Variants in ASXL1 observed in about 807,000 individuals in gnomAD.
ASXL1 encodes the protein polycomb group protein ASXL1.
A neutral mutation model predicts 89.1 loss-of-function variants in ASXL1; 65 were observed. That is an observed-to-expected ratio of 0.73 (90% CI 0.60 to 0.90). The LOEUF is 0.90. Among genes scored for constraint, ASXL1 ranks in the 40% least tolerant of loss-of-function variants. The pLI, the probability that ASXL1 is intolerant of heterozygous loss-of-function variation, is 0.00. For missense variants in ASXL1, 1,786 were observed against 1,942.9 expected (o/e 0.92, Z 1.52); for synonymous variants, 739 against 746.9 (o/e 0.99, Z 0.17).
intron 1 of ASXL1, among the ~76,000 whole-genome samples, chr20:32,362,394 T>G (rs2048129093): frequency 6.6e-6 from 1 of 152,178 alleles, no homozygotes; most frequent in Non-Finnish European, 1.5e-5. Context: ...CCCAGCACTT[T>G]GGGAGGCCGA....
rs1373416922 is a variant in ASXL1, at chr20:32,437,221, G to A, written c.4509G>A (p.Ser1503=). Residue 1503 remains serine, a synonymous_variant, in exon 13 of 13, where the codon TCG becomes TCA. Coordinates refer to ENST00000375687, the MANE Select transcript of ASXL1 (RefSeq NM_015338.6). The part of the protein sequence containing the change: ...FTDSSTVESI[S]LQCACSLKAM... ...ACAGCAGCACGGTGGAAAGCATCTC[G>A]CTCCAGTGTGCGTGCAGCCTGAAAG... 2.5e-6 allele frequency: 4 copies of A among 1,613,614 alleles called. No homozygotes were observed. The highest frequency in any genetic ancestry group is 2.2e-5 in the East Asian group (1 of 44,874).
intron 4 of ASXL1, among the ~76,000 whole-genome samples, chr20:32,398,599 G>GTTTGTTTTTTTT (rs1446807204): frequency 2.4e-5 from 2 of 82,826 alleles, no homozygotes; most frequent in African/African-American, 7.4e-5. Flanking sequence ...TGTTTTTTTT[G>GTTTGTTTTTTTT]TTTGTTTTTT....
At chr20:32,385,707 G>A (rs146047604) in intron 4 of ASXL1, among the ~76,000 whole-genome samples, 77 of 151,990 alleles carry the variant, frequency 5.1e-4, no homozygotes, top group Middle Eastern at 6.8e-3. Context: ...GCTTCTGCCT[G>A]GTCTACTTAC....
chr20:32,407,577 C>T (rs753848183), intron 4 of ASXL1, among the ~76,000 whole-genome samples: 2 of 152,164 alleles, frequency 1.3e-5, no homozygotes, highest in Non-Finnish European at 2.9e-5. Context: ...GATCCTCCCA[C>T]CTCAGTCTCT....
Position 32,437,096 on chromosome 20 carries a change from A to G in ASXL1, c.4384A>G (p.Thr1462Ala). Residue 1462 changes from threonine to alanine, a missense_variant, in exon 13 of 13, where the codon ACC (threonine) becomes GCC (alanine). Thr to Ala is a moderately conservative substitution (Grantham distance 58). Coordinates refer to ENST00000375687, the MANE Select transcript of ASXL1 (RefSeq NM_015338.6). Reference protein sequence around the residue: ...TSFNYSSSSPTFPKGLAGSVV... With the variant: ...TSFNYSSSSPAFPKGLAGSVV... ...CTTTAATTATTCCTCTAGCTCTCCC[A>G]CCTTTCCCAAAGGCCTTGCTGGAAG... is the stretch of plus-strand genomic sequence containing the variant. The G allele has an allele frequency of 1.2e-6, 2 of 1,614,136 alleles. No homozygotes were observed. Among genetic ancestry groups the G allele is most frequent in the Non-Finnish European group, 1.7e-6 (2 of 1,180,020 alleles).
chr20:32,430,858 T>C (rs2011492788), intron 8 of ASXL1: 1 of 388,580 alleles, frequency 2.6e-6, no homozygotes, highest in African/African-American at 2.0e-5. Context: ...TCAGTTGGCT[T>C]TGAACAGTCC....
At chr20:32,427,016 C>G (rs2011330967) in intron 4 of ASXL1, 1 of 152,176 alleles carries the variant, frequency 6.6e-6, no homozygotes, top group South Asian at 2.1e-4. Flanking sequence ...TTAGCAGAAT[C>G]ATGACTTTAT....
At chr20:32,370,024 T>A (rs926545752) in intron 4 of ASXL1, among the ~76,000 whole-genome samples, 1 of 152,186 alleles carries the variant, frequency 6.6e-6, no homozygotes, top group Non-Finnish European at 1.5e-5. Context: ...TGGCCACAGA[T>A]GTGCCTTAAT....
In ASXL1 at chr20:32,366,650, C is replaced by G. The variant is rs902845857; in HGVS notation, c.140+184C>G. 11 of 816,366 alleles carry G rather than the reference C, an allele frequency of 1.3e-5. No homozygotes were observed. In the African/African-American group the frequency reaches 1.7e-4, roughly 12 times the overall value. The allele number at this position is 816,366 out of a possible 1,614,324, so 50.6% of individuals were successfully genotyped here. A position where few individuals can be genotyped will look rare whatever the true frequency, so the allele number is the denominator to read the frequency against. On this transcript the variant is annotated intron_variant, in intron 2 of 12. Transcript: ENST00000375687. ...TGGAGGGTGGCAGTGGGTGAACATCCATTTGTTTTCATTTAGAGGTGCAGT... is the reference window on the plus strand; with the variant it reads ...TGGAGGGTGGCAGTGGGTGAACATCGATTTGTTTTCATTTAGAGGTGCAGT...
rs1021198194 is a variant in ASXL1 at position 32,358,893 on chromosome 20, C to T, written c.57+61C>T. ...CGGGGTGGGGGGGGCTCGCCGCGCA[C>T]CCCCCCACTGGGGGGGGAGGGGCAA... is the stretch of plus-strand genomic sequence containing the variant. On this transcript the variant is annotated intron_variant, in intron 1 of 12. Coordinates refer to ENST00000375687, the MANE Select transcript of ASXL1 (RefSeq NM_015338.6). 3.1e-5 allele frequency: 43 copies of T among 1,398,382 alleles called. No individual in the cohort carries two copies. The African/African-American group carries it at 3.3e-4, about 11-fold the overall frequency. 86.6% of individuals were successfully genotyped at this position (1,398,382 alleles called of 1,614,324 possible). A position where few individuals can be genotyped will look rare whatever the true frequency, so the allele number is the denominator to read the frequency against.
Position 32,358,332 on chromosome 20 carries a change from C to A in ASXL1, c.-444C>A. 1 of 232,722 alleles carries A rather than the reference C, an allele frequency of 4.3e-6. No homozygotes were observed. The highest frequency in any genetic ancestry group is 8.5e-6 in the Non-Finnish European group (1 of 118,240). The allele number at this position is 232,722 out of a possible 1,614,324, so 14.4% of individuals were successfully genotyped here. On this transcript the variant is annotated 5_prime_UTR_variant, in exon 1 of 13. Transcript: ENST00000375687. ...CCACACTCCCCCTCCTCACTCTTCA[C>A]ACACACTCACACACACCCACGGCAG... is the stretch of plus-strand genomic sequence containing the variant.
At chr20:32,366,050 A>G (rs928494067) in intron 1 of ASXL1, among the ~76,000 whole-genome samples, 2 of 152,184 alleles carry the variant, frequency 1.3e-5, no homozygotes, top group African/African-American at 4.8e-5. Flanking sequence ...TCTGTGTCAT[A>G]CATTTCTTGT....
At chr20:32,374,535 A>G (rs1395370365) in intron 4 of ASXL1, among the ~76,000 whole-genome samples, 4 of 152,066 alleles carry the variant, frequency 2.6e-5, no homozygotes, top group South Asian at 2.1e-4. Context: ...GCCTCAAGCA[A>G]TCCTCTGCTT....
intron 1 of ASXL1, among the ~76,000 whole-genome samples, chr20:32,362,044 C>T (rs2048121359): frequency 6.6e-6 from 1 of 151,986 alleles, no homozygotes; most frequent in South Asian, 2.1e-4. Flanking sequence ...ACTCCAGCGG[C>T]GACAGTGAGA....
chr20:32,425,577 CTTATTG>C (rs1325754559), intron 4 of ASXL1, among the ~76,000 whole-genome samples: 1 of 152,140 alleles, frequency 6.6e-6, no homozygotes, highest in Non-Finnish European at 1.5e-5. Context: ...TTGCATTTTC[CTTATTG>C]TTAGTGAGAT....
intron 1 of ASXL1, chr20:32,360,110 C>T: frequency 3.1e-6 from 1 of 321,390 alleles, no homozygotes; most frequent in Non-Finnish European, 5.8e-6. Context: ...TGACACAAAC[C>T]TGAAGTACAC....
In ASXL1 at chr20:32,436,567, G is replaced by A. The variant is rs767044623; in HGVS notation, c.3855G>A (p.Glu1285=). The A allele has an allele frequency of 2.5e-6, 4 of 1,614,112 alleles. No individual in the cohort carries two copies. ...CAAATGTGATCTCCTTTGGTCCAGA[G>A]CAGACAGGTCGGGCCCTGGGTGATC... ...SSPNVISFGP[E]QTGRALGDQS... Residue 1285 remains glutamate (E), a synonymous_variant, in exon 13 of 13, where the codon GAG becomes GAA. Transcript: ENST00000375687.
At chr20:32,373,456 T>G (rs1260230278) in intron 4 of ASXL1, among the ~76,000 whole-genome samples, 2 of 152,192 alleles carry the variant, frequency 1.3e-5, no homozygotes, top group African/African-American at 4.8e-5. Context: ...TGAAGGATGC[T>G]TACCTCTGGG....
intron 3 of ASXL1, among the ~76,000 whole-genome samples, chr20:32,368,094 T>C (rs2048236330): frequency 6.6e-6 from 1 of 152,218 alleles, no homozygotes; most frequent in African/African-American, 2.4e-5. Context: ...TTAGGGCTTC[T>C]AGTTCTGAAA....
Sources: gnomAD v4.1 joint callset for allele counts (sites outside exome capture counted in the v4.1 genomes callset) on GRCh38, gnomAD v4.1.1 for gene constraint, MANE v1.5 for transcripts, NCBI Gene and HGNC (gene_info 2026-07-23, HGNC 2026-07-21) for gene names.